The following FBXL13 variants were observed in gnomAD, a reference collection of about 807,000 sequenced individuals.
The protein encoded by FBXL13 is F-box and leucine-rich repeat protein 13.
In FBXL13, 67 loss-of-function variants were observed where a neutral mutation model predicts 83.6. The ratio of observed to expected loss-of-function variants is 0.80; its 90% CI spans 0.66 to 0.98. The LOEUF (loss-of-function observed/expected upper bound fraction) is 0.98, where lower values mean the gene tolerates loss of function less well. Among genes scored for constraint, FBXL13 ranks in the 50% least tolerant of loss-of-function variants. FBXL13 has a pLI of 0.00. For missense variants in FBXL13, 822 were observed against 866.5 expected, an observed-to-expected ratio of 0.95 and a Z score of 0.64; for synonymous variants, 272 against 299.5, an observed-to-expected ratio of 0.91 and a Z score of 0.95.
intron 8 of FBXL13, among the ~76,000 whole-genome samples, chr7:102,954,904 G>C (rs960789047): frequency 3.3e-5 from 5 of 152,098 alleles, no homozygotes; most frequent in Admixed American, 6.5e-5. Context: ...AGTCTGTAGA[G>C]ACCTACAAAG....
At chr7:102,947,869 T>G (rs1387225264) in intron 8 of FBXL13, among the ~76,000 whole-genome samples, 17 of 152,178 alleles carry the variant, frequency 1.1e-4, no homozygotes, top group Admixed American at 1.1e-3. Context: ...GGAGTCCTCC[T>G]GAGTCCTGAG....
chr7:102,884,641 T>G (rs1279383831), intron 11 of FBXL13, among the ~76,000 whole-genome samples: 2 of 152,030 alleles, frequency 1.3e-5, no homozygotes, highest in African/African-American at 4.8e-5. Flanking sequence ...CAAGACCCTG[T>G]CTCTTTAAAA....
At chr7:102,816,419 TC>T (rs1798008941) in intron 19 of FBXL13, 1 of 152,420 alleles carries the variant, frequency 6.6e-6, no homozygotes, top group African/African-American at 2.4e-5. Context: ...TATTCCCTAT[TC>T]CACTTCTTTC....
At chr7:102,934,586 C>G (rs1455231298) in intron 8 of FBXL13, 23 of 1,613,950 alleles carry the variant, frequency 1.4e-5, no homozygotes, top group Non-Finnish European at 1.9e-5. Flanking sequence ...CCCGAAACCC[C>G]AAGTGTCAGG....
intron 11 of FBXL13, among the ~76,000 whole-genome samples, chr7:102,886,618 G>A (rs1810830136): frequency 6.6e-6 from 1 of 152,104 alleles, no homozygotes; most frequent in Non-Finnish European, 1.5e-5. Context: ...GTTATTAAAT[G>A]AATCCCCTGT....
intron 6 of FBXL13, among the ~76,000 whole-genome samples, chr7:103,017,254 A>G (rs529279611): frequency 9.5e-4 from 144 of 151,760 alleles, no homozygotes; most frequent in African/African-American, 3.4e-3. Flanking sequence ...ACAGACCTGC[A>G]GCTGAGGGTC....
intron 18 of FBXL13, among the ~76,000 whole-genome samples, chr7:102,829,657 T>C (rs1019711631): frequency 6.6e-6 from 1 of 152,166 alleles, no homozygotes; most frequent in Non-Finnish European, 1.5e-5. Flanking sequence ...TTGTTTTCCT[T>C]GGCATTTTAG....
At chr7:102,813,835 C>G (rs773328541) in intron 19 of FBXL13, among the ~76,000 whole-genome samples, 2 of 152,126 alleles carry the variant, frequency 1.3e-5, no homozygotes, top group Non-Finnish European at 1.5e-5. Context: ...TTTAAGTAAG[C>G]CCCTTCCTTG....
chr7:102,987,156 G>A (rs987117758), intron 6 of FBXL13, among the ~76,000 whole-genome samples: 2 of 152,082 alleles, frequency 1.3e-5, no homozygotes, highest in African/African-American at 4.8e-5. Flanking sequence ...CTCTGAAAGG[G>A]AGAGGGCGAG....
intron 2 of FBXL13, among the ~76,000 whole-genome samples, chr7:103,051,379 G>A (rs527825353): frequency 4.6e-5 from 7 of 151,736 alleles, no homozygotes; most frequent in East Asian, 1.9e-4. Context: ...AGTTTCTGTC[G>A]TGACTTCCAA....
intron 16 of FBXL13, among the ~76,000 whole-genome samples, chr7:102,855,379 T>G (rs953505150): frequency 3.9e-5 from 6 of 152,194 alleles, no homozygotes; most frequent in African/African-American, 1.4e-4. Context: ...CATTTCTTTT[T>G]CAGGTTAAAG....
intron 9 of FBXL13, 134 bp downstream of exon 10, chr7:102,931,747 C>G (rs1212262180): frequency 1.4e-6 from 1 of 719,526 alleles, no homozygotes; most frequent in Admixed American, 2.9e-5. Context: ...AATTTCTTGT[C>G]AATGTTTAAC....
intron 11 of FBXL13, among the ~76,000 whole-genome samples, chr7:102,907,215 A>C (rs138616185): frequency 7.9e-5 from 12 of 151,834 alleles, no homozygotes; most frequent in African/African-American, 2.9e-4. Context: ...AAAACTTTCT[A>C]CTTCTATCTC....
At chr7:102,938,364 T>A (rs145444809) in intron 8 of FBXL13, among the ~76,000 whole-genome samples, 3 of 152,228 alleles carry the variant, frequency 2.0e-5, no homozygotes, top group Non-Finnish European at 4.4e-5. Context: ...GTATATGCAA[T>A]AAACAGGGCC....
intron 8 of FBXL13, among the ~76,000 whole-genome samples, chr7:102,932,341 A>G (rs1203511858): frequency 1.3e-5 from 2 of 152,188 alleles, no homozygotes; most frequent in Non-Finnish European, 2.9e-5. Context: ...TGTACAATAA[A>G]TATCTATATA....
intron 1 of FBXL13, among the ~76,000 whole-genome samples, chr7:103,070,630 G>A (rs1398068266): frequency 3.3e-5 from 5 of 151,918 alleles, no homozygotes; most frequent in African/African-American, 7.3e-5. Flanking sequence ...GGTTCTGCAG[G>A]GTGTACAAGA....
intron 6 of FBXL13, among the ~76,000 whole-genome samples, chr7:102,986,586 T>C (rs1277884046): frequency 6.6e-6 from 1 of 152,100 alleles, no homozygotes; most frequent in African/African-American, 2.4e-5. Flanking sequence ...TCCAGTTCTC[T>C]TCATGGGTGC....
intron 17 of FBXL13, among the ~76,000 whole-genome samples, chr7:102,841,099 A>G (rs1419085755): frequency 6.6e-6 from 1 of 152,238 alleles, no homozygotes; most frequent in Non-Finnish European, 1.5e-5. Flanking sequence ...ATGTCAGGCA[A>G]GGCACAATGA....
intron 1 of FBXL13, among the ~76,000 whole-genome samples, chr7:103,062,664 A>G (rs1798036048): frequency 6.6e-6 from 1 of 152,192 alleles, no homozygotes; most frequent in African/African-American, 2.4e-5. Flanking sequence ...TGAAATGTAA[A>G]TATCTTCATC....
Sources: allele counts gnomAD v4.1 joint callset (sites outside exome capture counted in the v4.1 genomes callset), GRCh38; gene constraint gnomAD v4.1.1; transcripts MANE v1.5; gene names NCBI Gene and HGNC (gene_info 2026-07-23, HGNC 2026-07-21).